PIK3C2G: variants seen among roughly 807,000 people sequenced by gnomAD.
PIK3C2G encodes the protein phosphatidylinositol-4-phosphate 3-kinase catalytic subunit type 2 gamma.
A neutral mutation model predicts 181.1 loss-of-function variants in PIK3C2G; 168 were observed. The observed-to-expected ratio is 0.93, with a 90% CI of 0.82 to 1.05. The LOEUF is 1.05. PIK3C2G is among the 50% of genes least tolerant of loss of function. The pLI, the probability that PIK3C2G is intolerant of heterozygous loss-of-function variation, is 0.00. For synonymous variants in PIK3C2G, 573 were observed against 592.2 expected (o/e 0.97, Z 0.47); for missense variants, 1,869 against 1,732.8 (o/e 1.08, Z -1.40).
At chr12:18,583,450 G>A (rs1946607783) in intron 29 of PIK3C2G, among the ~76,000 whole-genome samples, 1 of 151,960 alleles carries the variant, frequency 6.6e-6, no homozygotes, top group Admixed American at 6.6e-5. Flanking sequence ...GGAATATCGA[G>A]ACAGTAACAG....
the PIK3C2G span, among the ~76,000 whole-genome samples, chr12:18,672,331 C>T: frequency 2.0e-5 from 3 of 151,948 alleles, no homozygotes; most frequent in East Asian, 1.9e-4. Flanking sequence ...AAACCTTTCC[C>T]GACAGTTAAG....
intron 16 of PIK3C2G, among the ~76,000 whole-genome samples, chr12:18,411,356 GT>G (rs1944860997): frequency 6.6e-6 from 1 of 152,104 alleles, no homozygotes; most frequent in Admixed American, 6.6e-5. Flanking sequence ...TATACTCCGA[GT>G]TTGAGTTTTT....
chr12:18,385,028 C>A (rs554771727), intron 14 of PIK3C2G, among the ~76,000 whole-genome samples: 2 of 152,176 alleles, frequency 1.3e-5, no homozygotes, highest in East Asian at 3.9e-4. Flanking sequence ...GGTGAAATTA[C>A]AACCAAGTTC....
At chr12:18,526,823 C>A (rs192652653) in intron 24 of PIK3C2G, among the ~76,000 whole-genome samples, 1 of 152,216 alleles carries the variant, frequency 6.6e-6, no homozygotes, top group Non-Finnish European at 1.5e-5. Context: ...TTTGTTTTAT[C>A]GATCTCATCT....
At chr12:18,363,738 G>A (rs74070251) in intron 12 of PIK3C2G, among the ~76,000 whole-genome samples, 2,318 of 152,006 alleles carry the variant, frequency 0.015, 70 homozygotes, top group African/African-American at 0.053. Context: ...TAATAAATAC[G>A]TGTCAGAATT....
chr12:18,668,114 C>T, the PIK3C2G span, among the ~76,000 whole-genome samples: 5 of 152,126 alleles, frequency 3.3e-5, no homozygotes, highest in Non-Finnish European at 7.4e-5. Flanking sequence ...TTCTTAGCCC[C>T]AACTTGTATT....
chr12:18,550,240 A>G (rs1944653884), intron 26 of PIK3C2G, among the ~76,000 whole-genome samples: 1 of 152,052 alleles, frequency 6.6e-6, no homozygotes, highest in African/African-American at 2.4e-5. Flanking sequence ...CCTGAGATCT[A>G]TCATTTGTAT....
At chr12:18,656,349 G>A in the PIK3C2G span, among the ~76,000 whole-genome samples, 14 of 152,018 alleles carry the variant, frequency 9.2e-5, no homozygotes, top group Middle Eastern at 6.3e-3. Context: ...AGGCTGAGGC[G>A]GGTGGATCAC....
At chr12:18,725,647 C>A in the PIK3C2G span, among the ~76,000 whole-genome samples, 1 of 152,132 alleles carries the variant, frequency 6.6e-6, no homozygotes, top group African/African-American at 2.4e-5. Context: ...CCAAGGCCAT[C>A]TAAAATGTCA....
At chr12:18,462,379 A>G (rs975944943) in intron 18 of PIK3C2G, among the ~76,000 whole-genome samples, 10 of 152,144 alleles carry the variant, frequency 6.6e-5, no homozygotes, top group Non-Finnish European at 1.3e-4. Context: ...AATGCACTTC[A>G]GAGCACCATA....
chr12:18,287,253 C>G (rs1949486007), intron 3 of PIK3C2G, among the ~76,000 whole-genome samples: 1 of 151,934 alleles, frequency 6.6e-6, no homozygotes, highest in Admixed American at 6.6e-5. Context: ...TGACTAACTC[C>G]TCTGGCTAAC....
the PIK3C2G span, among the ~76,000 whole-genome samples, chr12:18,722,304 C>T: frequency 1.3e-5 from 2 of 152,046 alleles, no homozygotes; most frequent in Non-Finnish European, 1.5e-5. Flanking sequence ...TCCTCCAACC[C>T]ATCAGGAATT....
rs560829431 is a variant in PIK3C2G, at chr12:18,251,443, T to G, written c.-79+3361T>G. On this transcript the variant is annotated intron_variant, in intron 1 of 11. Transcript: ENST00000535651. Reference sequence around the variant, plus strand: ...TACAAATGCATCTCTAGTAAAACTCTAAGCATGTGATAACAGTAGACAATG... The same window carrying G: ...TACAAATGCATCTCTAGTAAAACTCGAAGCATGTGATAACAGTAGACAATG... 1.5e-3 allele frequency among the ~76,000 whole-genome samples: 223 copies of G among 152,140 alleles called. 1 individual carries two copies. The highest frequency in any genetic ancestry group is 5.1e-3 in the African/African-American group (214 of 41,568).
At chr12:18,354,330 T>A (rs911004680) in intron 11 of PIK3C2G, among the ~76,000 whole-genome samples, 3 of 152,122 alleles carry the variant, frequency 2.0e-5, no homozygotes, top group African/African-American at 7.2e-5. Context: ...GTCTAGGGTA[T>A]TTCTAGGAGG....
At chr12:18,547,349 T>C (rs2136277821) in intron 26 of PIK3C2G, among the ~76,000 whole-genome samples, 2 of 152,126 alleles carry the variant, frequency 1.3e-5, no homozygotes, top group East Asian at 3.9e-4. Context: ...ACTTGGGGAA[T>C]TTCACTTGGC....
At chr12:18,257,161 A>G (rs1312417432), upstream of PIK3C2G, among the ~76,000 whole-genome samples, 2 of 152,142 alleles carry the variant, frequency 1.3e-5, no homozygotes, top group Non-Finnish European at 2.9e-5. Context: ...GCTTAGACAC[A>G]TGGTCCTACC....
intron 15 of PIK3C2G, among the ~76,000 whole-genome samples, chr12:18,396,558 A>C (rs906356660): frequency 6.6e-6 from 1 of 151,768 alleles, no homozygotes; most frequent in African/African-American, 2.4e-5. Context: ...AGAAAGAAAT[A>C]AAACTGACTA....
At chr12:18,593,352 G>A (rs1310861413) in intron 29 of PIK3C2G, among the ~76,000 whole-genome samples, 1 of 151,876 alleles carries the variant, frequency 6.6e-6, no homozygotes, top group Non-Finnish European at 1.5e-5. Flanking sequence ...GGAAAGCTGT[G>A]TGTCTGTAGA....
At chr12:18,526,987 T>C (rs529717953) in intron 24 of PIK3C2G, among the ~76,000 whole-genome samples, 1 of 152,186 alleles carries the variant, frequency 6.6e-6, no homozygotes, top group Non-Finnish European at 1.5e-5. Context: ...AGAGAGACTT[T>C]GTGGGTTTTC....
Sources: allele counts gnomAD v4.1 joint callset (sites outside exome capture counted in the v4.1 genomes callset), GRCh38; gene constraint gnomAD v4.1.1; transcripts MANE v1.5; gene names NCBI Gene and HGNC (gene_info 2026-07-23, HGNC 2026-07-21).